The following OR9Q1 variants were observed in gnomAD, a reference collection of about 807,000 sequenced individuals.
OR9Q1 encodes olfactory receptor 9Q1.
For synonymous variants in OR9Q1, 153 were observed against 148.6 expected, an observed-to-expected ratio of 1.03 and a Z score of -0.22; for missense variants, 374 against 378.8, an observed-to-expected ratio of 0.99 and a Z score of 0.11.
At chr11:58,119,252 G>A in intron 2 of OR9Q1, 1 of 1,613,944 alleles carries the variant, frequency 6.2e-7, no homozygotes, top group African/African-American at 1.3e-5. Context: ...AGGGAGAGGT[G>A]GCTCAGGAAG....
At chr11:58,044,175 A>G (rs1357881618) in intron 1 of OR9Q1, 1 of 152,218 alleles carries the variant, frequency 6.6e-6, no homozygotes, top group Non-Finnish European at 1.5e-5. Flanking sequence ...GGAAGGTCAC[A>G]TTGACATCTT....
chr11:58,091,891 G>C (rs552717758), intron 2 of OR9Q1, among the ~76,000 whole-genome samples: 45 of 151,844 alleles, frequency 3.0e-4, no homozygotes, highest in African/African-American at 9.4e-4. Context: ...TTACCATTAT[G>C]TAATACCCTT....
At chr11:58,035,195 T>C (rs1441072635) in intron 1 of OR9Q1, among the ~76,000 whole-genome samples, 1 of 152,072 alleles carries the variant, frequency 6.6e-6, no homozygotes, top group Admixed American at 6.5e-5. Flanking sequence ...CAAATCTAAT[T>C]GCAAGGGTAG....
At chr11:58,099,459 TG>T (rs1853763002) in intron 2 of OR9Q1, among the ~76,000 whole-genome samples, 1 of 152,062 alleles carries the variant, frequency 6.6e-6, no homozygotes, top group South Asian at 2.1e-4. Flanking sequence ...CATTATGAAA[TG>T]TTTTTCTTTA....
intron 2 of OR9Q1, among the ~76,000 whole-genome samples, chr11:58,087,809 C>T (rs1267578556): frequency 6.6e-6 from 1 of 151,502 alleles, no homozygotes; most frequent in Non-Finnish European, 1.5e-5. Context: ...AGTGAGAACA[C>T]GTGTTGTTTG....
chr11:58,053,732 T>C (rs982019124), intron 1 of OR9Q1, among the ~76,000 whole-genome samples: 3 of 147,632 alleles, frequency 2.0e-5, no homozygotes, highest in Non-Finnish European at 4.5e-5. Context: ...CTTTTCAGTG[T>C]ATTCTAACTC....
At chr11:58,129,274 TAA>T (rs1854118505) in intron 2 of OR9Q1, among the ~76,000 whole-genome samples, 2 of 146,086 alleles carry the variant, frequency 1.4e-5, no homozygotes, top group African/African-American at 5.0e-5. Context: ...TGTGTGTGTG[TAA>T]GTAGAACACT....
At chr11:58,032,538 T>C (rs979232627) in intron 1 of OR9Q1, among the ~76,000 whole-genome samples, 8 of 152,138 alleles carry the variant, frequency 5.3e-5, no homozygotes, top group African/African-American at 1.9e-4. Flanking sequence ...ACTCAATAAA[T>C]GGTGCTGGGA....
intron 2 of OR9Q1, among the ~76,000 whole-genome samples, chr11:58,103,122 A>T (rs1221616456): frequency 6.6e-6 from 1 of 152,032 alleles, no homozygotes; most frequent in Non-Finnish European, 1.5e-5. Flanking sequence ...TAATTGACTC[A>T]CAGTTCCACA....
chr11:58,056,611 C>T (rs559279097), intron 2 of OR9Q1, among the ~76,000 whole-genome samples: 1 of 152,290 alleles, frequency 6.6e-6, no homozygotes, highest in Non-Finnish European at 1.5e-5. Flanking sequence ...TTTTCTATGG[C>T]TGCATTTGCA....
At chr11:58,042,329 G>T (rs1184826491) in intron 1 of OR9Q1, among the ~76,000 whole-genome samples, 1 of 152,020 alleles carries the variant, frequency 6.6e-6, no homozygotes, top group Non-Finnish European at 1.5e-5. Flanking sequence ...TGTATAAGGT[G>T]TAAGGAAGGG....
intron 1 of OR9Q1, chr11:58,045,000 T>C (rs1853202631): frequency 6.6e-6 from 1 of 152,344 alleles, no homozygotes; most frequent in East Asian, 1.9e-4. Context: ...ACAAACTTTG[T>C]TTCATGCATG....
At chr11:58,080,204 C>G (rs2120039280) in intron 2 of OR9Q1, among the ~76,000 whole-genome samples, 1 of 152,194 alleles carries the variant, frequency 6.6e-6, no homozygotes, top group Admixed American at 6.5e-5. Context: ...CATGTGTGCT[C>G]AATGTTTAGC....
At chr11:58,167,585 C>G (rs1409233596) in intron 2 of OR9Q1, among the ~76,000 whole-genome samples, 1 of 152,154 alleles carries the variant, frequency 6.6e-6, no homozygotes, top group Admixed American at 6.5e-5. Flanking sequence ...TATGGGTCAA[C>G]TGACTATAAA....
intron 2 of OR9Q1, among the ~76,000 whole-genome samples, chr11:58,177,285 T>A (rs1590628250): frequency 6.6e-6 from 1 of 152,220 alleles, no homozygotes; most frequent in Non-Finnish European, 1.5e-5. Flanking sequence ...AATAATCAGG[T>A]GATGCAGTAA....
intron 2 of OR9Q1, among the ~76,000 whole-genome samples, chr11:58,090,837 T>C (rs1472899691): frequency 6.6e-6 from 1 of 152,226 alleles, no homozygotes; most frequent in Non-Finnish European, 1.5e-5. Flanking sequence ...ATTGGTCTAT[T>C]CAGGGATTCA....
chr11:58,063,365 A>G (rs967626316), intron 2 of OR9Q1, among the ~76,000 whole-genome samples: 1 of 152,220 alleles, frequency 6.6e-6, no homozygotes, highest in African/African-American at 2.4e-5. Context: ...AATAGGAAAT[A>G]CTGATATTGC....
At chr11:58,150,512 G>A (rs1854340307) in intron 2 of OR9Q1, among the ~76,000 whole-genome samples, 1 of 152,120 alleles carries the variant, frequency 6.6e-6, no homozygotes, top group South Asian at 2.1e-4. Context: ...ACCACATAAG[G>A]ATATTTCAAT....
chr11:58,180,459 C>T lies in OR9Q1; in HGVS notation c.*82C>T, dbSNP rs1854653951. The T allele has an allele frequency of 7.2e-6, 6 of 829,044 alleles. No individual in the cohort carries two copies. Among genetic ancestry groups the T allele is most frequent in the Admixed American group, 2.8e-5 (1 of 36,304 alleles). The allele number at this position is 829,044 out of a possible 1,614,324, so 51.4% of individuals were successfully genotyped here. ...GGACGCTCATTATTTATAGCATGCT[C>T]AATGTTTAAATGAATATATTATGGT... On this transcript the variant is annotated 3_prime_UTR_variant, in exon 3 of 3. Transcript: ENST00000335397.
Sources: allele counts gnomAD v4.1 joint callset (sites outside exome capture counted in the v4.1 genomes callset), GRCh38; gene constraint gnomAD v4.1.1; transcripts MANE v1.5; gene names NCBI Gene and HGNC (gene_info 2026-07-23, HGNC 2026-07-21).